The following NCOR2 variants were observed in gnomAD, a reference collection of about 807,000 sequenced individuals.
NCOR2 encodes the protein nuclear receptor corepressor 2.
NCOR2 carries 81 observed loss-of-function variants against 262.9 expected under a neutral mutation model. The observed-to-expected ratio is 0.31, with a 90% CI of 0.26 to 0.37. NCOR2 has a LOEUF of 0.37. NCOR2 is among the 10% of genes least tolerant of loss of function. The pLI is 1.00. For synonymous variants in NCOR2, 1,659 were observed against 1,559.3 expected, an observed-to-expected ratio of 1.06 and a Z score of -1.51; for missense variants, 3,385 against 3,621.4, an observed-to-expected ratio of 0.93 and a Z score of 1.68.
chr12:124,384,624 C>T (rs980926634), intron 17 of NCOR2, among the ~76,000 whole-genome samples: 4 of 152,148 alleles, frequency 2.6e-5, no homozygotes, highest in East Asian at 3.9e-4. Flanking sequence ...AGTGCTTGGG[C>T]GGAGTTCAAA....
rs752054407 is a variant in NCOR2, at chr12:124,354,085, AC to A, written c.3693+7del. The A allele has an allele frequency of 1.0e-5, 16 of 1,606,094 alleles. No homozygotes were observed. In the African/African-American group the frequency reaches 2.0e-4, roughly 20 times the overall value. On this transcript the variant is annotated splice_region_variant and intron_variant, in intron 27 of 46. Coordinates refer to ENST00000405201, the Ensembl canonical transcript of NCOR2. ...ACCGTCCTTCCTGCCGCACCCCAGG[AC>A]ACCTACGTGGGTGATGGAGCCGCGG... is the stretch of plus-strand genomic sequence containing the variant.
intron 13 of NCOR2, among the ~76,000 whole-genome samples, chr12:124,416,557 C>T (rs564287734): frequency 3.4e-4 from 49 of 145,374 alleles, no homozygotes; most frequent in Admixed American, 6.1e-4. Context: ...GGGAGACCCG[C>T]GGCACAGATA....
rs186700283 is a variant in NCOR2, at chr12:124,445,734, T to G, written c.815+4081A>C. On this transcript the variant is annotated intron_variant, in intron 7 of 46. Transcript: ENST00000405201. ...ATTTATTCTTATCAGCCTCCCCTAC[T>G]AGAATGTCAGGCCTCATTCACTCCT... Among the ~76,000 whole-genome samples the G allele has an allele frequency of 3.6e-3, 548 of 152,284 alleles. 8 individuals carry two copies. The highest frequency in any genetic ancestry group is 0.013 in the African/African-American group (532 of 41,562).
At chr12:124,474,339 T>C (rs1264965550) in intron 3 of NCOR2, among the ~76,000 whole-genome samples, 3 of 152,182 alleles carry the variant, frequency 2.0e-5, no homozygotes, top group African/African-American at 7.2e-5. Flanking sequence ...AAGAGGGTAT[T>C]TTTACTTTCT....
At chr12:124,558,609 TGGGGGATGCGG>T (rs921737528) in intron 1 of NCOR2, among the ~76,000 whole-genome samples, 7 of 152,076 alleles carry the variant, frequency 4.6e-5, no homozygotes, top group African/African-American at 1.7e-4. Context: ...AACAGGGGCC[TGGGGGATGCGG>T]GGGTCAATGA....
chr12:124,482,543 C>A lies in NCOR2; in HGVS notation c.411+1053G>T, dbSNP rs1287523765. 6.6e-6 allele frequency among the ~76,000 whole-genome samples: 1 copy of A among 152,224 alleles called. No homozygotes were observed. The highest frequency in any genetic ancestry group is 2.1e-4 in the South Asian group (1 of 4,832). ...CGCATGGGGCCCACAGCCGAGCCCT[C>A]TACCCACATGACCAGGTGACACCCT... On this transcript the variant is annotated intron_variant, in intron 3 of 46. Transcript: ENST00000405201. The surrounding 1 kb of genome is among the most constrained non-coding windows in gnomAD (Gnocchi z 6.3).
In NCOR2 at chr12:124,549,959, C is replaced by G. The variant is rs936548410; in HGVS notation, c.-164-14348G>C. Among the ~76,000 whole-genome samples, 1 of 152,218 alleles carries G rather than the reference C, an allele frequency of 6.6e-6. No homozygotes were observed. The highest frequency in any genetic ancestry group is 2.4e-5 in the African/African-American group (1 of 41,454). Reference sequence around the variant, plus strand: ...GCGCAAGCTCCGAGGAAAACTCCTTCGCAGGACCTTTCTCCCCTCCTGAGG... The same window carrying G: ...GCGCAAGCTCCGAGGAAAACTCCTTGGCAGGACCTTTCTCCCCTCCTGAGG... On this transcript the variant is annotated intron_variant, in intron 1 of 32. Transcript: ENST00000458234. This position sits in a 1 kb window ranked among gnomAD's most constrained non-coding sequence, Gnocchi z 4.4.
chr12:124,341,843 T>C lies in NCOR2; in HGVS notation c.5168A>G (p.Asn1723Ser), dbSNP rs200681291. ...CTCACCTCGGGGACCCGCAGCGTAG[T>C]TGAGTGCCAGCGAGGACTCGCGGGG... Residue 1723 changes from asparagine (N) to serine (S), a missense_variant, in exon 34 of 47, where the codon AAC (asparagine) becomes AGC (serine). Around this residue, in one of 5 missense-constraint regions of NCOR2, gnomAD observed 1,615 missense variants for 1,626.9 expected, o/e 0.99. Coordinates refer to ENST00000405201, the Ensembl canonical transcript of NCOR2. 3.2e-5 allele frequency: 51 copies of C among 1,607,036 alleles called. No homozygotes were observed. In the East Asian group the frequency reaches 4.9e-4, roughly 15 times the overall value.
rs2049909750 is a variant in NCOR2, at chr12:124,517,794, G to A, written c.-118+17771C>T. 6.6e-6 allele frequency among the ~76,000 whole-genome samples: 1 copy of A among 152,186 alleles called. No individual in the cohort carries two copies. Among genetic ancestry groups the A allele is most frequent in the African/African-American group, 2.4e-5 (1 of 41,438 alleles). On this transcript the variant is annotated intron_variant, in intron 1 of 46. Transcript: ENST00000404621. The surrounding 1 kb of genome is among the most constrained non-coding windows in gnomAD (Gnocchi z 7.6). ...CCTCACCCCGGCCTGCCCGGCCAGCGCCTCCGAGCGCTCTTTTCCGTGACT... is the reference window on the plus strand; with the variant it reads ...CCTCACCCCGGCCTGCCCGGCCAGCACCTCCGAGCGCTCTTTTCCGTGACT...
chr12:124,428,656 A>G (rs1031407768), intron 10 of NCOR2, among the ~76,000 whole-genome samples: 5 of 152,266 alleles, frequency 3.3e-5, no homozygotes, highest in African/African-American at 1.2e-4. Flanking sequence ...CCAGGAGGGG[A>G]GCTGCCAACC....
At chr12:124,427,601 G>A (rs748853582) in intron 10 of NCOR2, among the ~76,000 whole-genome samples, 2 of 152,242 alleles carry the variant, frequency 1.3e-5, no homozygotes, top group African/African-American at 2.4e-5. Context: ...CTCCCAGCCA[G>A]GGGTCAGGTC....
intron 22 of NCOR2, 111 bp from the exon 25 acceptor site, chr12:124,356,893 C>T: frequency 1.5e-6 from 2 of 1,300,598 alleles, no homozygotes; most frequent in Non-Finnish European, 2.0e-6. Context: ...GTAGTGGTGG[C>T]CTGTGACGGC....
intron 1 of NCOR2, among the ~76,000 whole-genome samples, chr12:124,565,217 G>C (rs908210943): frequency 6.6e-5 from 10 of 152,110 alleles, no homozygotes; most frequent in Non-Finnish European, 1.2e-4. Flanking sequence ...AGCTCAGTGG[G>C]AAGAGGCCAG....
At chr12:124,333,100 C>A in intron 42 of NCOR2, 30 bp downstream of exon 44, 1 of 1,569,790 alleles carries the variant, frequency 6.4e-7, no homozygotes, top group Admixed American at 1.8e-5. Context: ...CAGAGCATCC[C>A]GGGGGCAGCG....
chr12:124,478,238 T>C (rs2136742607), intron 3 of NCOR2, among the ~76,000 whole-genome samples: 1 of 152,306 alleles, frequency 6.6e-6, no homozygotes, highest in East Asian at 1.9e-4. Flanking sequence ...GGACATCGTG[T>C]CACCTAGATC....
intron 7 of NCOR2, among the ~76,000 whole-genome samples, chr12:124,438,988 GAGAGAT>G (rs2044607048): frequency 7.7e-6 from 1 of 130,538 alleles, no homozygotes; most frequent in Non-Finnish European, 1.7e-5. Context: ...CCCAGAGAGA[GAGAGAT>G]GGAGACCCTG....
chr12:124,403,428 C>T (rs893583316), intron 13 of NCOR2, among the ~76,000 whole-genome samples: 1 of 152,230 alleles, frequency 6.6e-6, no homozygotes, highest in Non-Finnish European at 1.5e-5. Context: ...CTCCCCTCAC[C>T]GAGATAGAGG....
chr12:124,361,576 C>T (rs2038595708), intron 22 of NCOR2, among the ~76,000 whole-genome samples: 1 of 152,232 alleles, frequency 6.6e-6, no homozygotes, highest in African/African-American at 2.4e-5. Flanking sequence ...CCAACCCTGG[C>T]TCCTGGTGAA....
intron 3 of NCOR2, among the ~76,000 whole-genome samples, chr12:124,477,436 T>A (rs1162504760): frequency 6.6e-6 from 1 of 152,246 alleles, no homozygotes; most frequent in East Asian, 1.9e-4. Context: ...TAAATTACCC[T>A]GTCTCGGGTA....
Sources: gnomAD v4.1 joint callset for allele counts (sites outside exome capture counted in the v4.1 genomes callset) on GRCh38, gnomAD v4.1.1 for gene constraint, gnomAD v4.1.1 regional missense constraint, Gnocchi (gnomAD v3.1) non-coding constraint, MANE v1.5 for transcripts, NCBI Gene and HGNC (gene_info 2026-07-23, HGNC 2026-07-21) for gene names.